The following DGKG variants were observed in gnomAD, a reference collection of about 807,000 sequenced individuals.
The protein encoded by DGKG is diacylglycerol kinase gamma.
DGKG carries 78 observed loss-of-function variants against 105.3 expected under a neutral mutation model. The observed-to-expected ratio is 0.74, with a 90% CI of 0.62 to 0.89. DGKG has a LOEUF of 0.89. DGKG is among the 40% of genes least tolerant of loss of function. The probability of loss-of-function intolerance (pLI) is 0.00; values close to 1 mark genes in which losing one functional copy is unlikely to be tolerated. For synonymous variants in DGKG, 346 were observed against 367.1 expected (o/e 0.94, Z 0.66); for missense variants, 958 against 1,020.1 (o/e 0.94, Z 0.83).
intron 19 of DGKG, among the ~76,000 whole-genome samples, chr3:186,249,922 A>T (rs962802865): frequency 6.6e-6 from 1 of 152,078 alleles, no homozygotes; most frequent in African/African-American, 2.4e-5. Flanking sequence ...TCTTTCCTTT[A>T]AAAAAAATTA....
At chr3:186,271,017 G>A (rs1722291099) in intron 11 of DGKG, among the ~76,000 whole-genome samples, 1 of 152,220 alleles carries the variant, frequency 6.6e-6, no homozygotes, top group East Asian at 1.9e-4. Flanking sequence ...AGAAGGCGTG[G>A]ACGAGAGACC....
At chr3:186,262,988 G>A (rs539779681) in intron 14 of DGKG, among the ~76,000 whole-genome samples, 2 of 152,120 alleles carry the variant, frequency 1.3e-5, no homozygotes, top group South Asian at 2.1e-4. Flanking sequence ...TTAGCCGGGC[G>A]TGGTGGGAGG....
chr3:186,153,216 A>G (rs1715855951), intron 24 of DGKG, among the ~76,000 whole-genome samples: 1 of 152,102 alleles, frequency 6.6e-6, no homozygotes, highest in Non-Finnish European at 1.5e-5. Flanking sequence ...GAAGTATGAA[A>G]TCATATCCTC....
chr3:186,204,849 T>C (rs1718644571), intron 21 of DGKG, among the ~76,000 whole-genome samples: 1 of 152,136 alleles, frequency 6.6e-6, no homozygotes. Context: ...GCTGAACCGC[T>C]CTCCAAAGTG....
Position 186,297,068 on chromosome 3 carries a change from T to TCTCACACACA in DGKG, c.373+352_373+353insTGTGTGTGAG, listed in dbSNP as rs1452573661. ...CTCTCTGTCTGTCTGTCTGTCTCTC[T>TCTCACACACA]CACACACACACACACACACACACAC... is the stretch of plus-strand genomic sequence containing the variant. On this transcript the variant is annotated intron_variant, in intron 5 of 24. Transcript: ENST00000265022. Among the ~76,000 whole-genome samples the TCTCACACACA allele has an allele frequency of 6.8e-3, 885 of 130,492 alleles. 15 individuals carry two copies. Among genetic ancestry groups the TCTCACACACA allele is most frequent in the African/African-American group, 0.022 (775 of 34,674 alleles). The allele number at this position is 130,492 out of a possible 152,430, so 85.6% of individuals were successfully genotyped here. A position where few individuals can be genotyped will look rare whatever the true frequency, so the allele number is the denominator to read the frequency against.
intron 21 of DGKG, among the ~76,000 whole-genome samples, chr3:186,196,493 A>T (rs116438598): frequency 0.012 from 1,825 of 152,326 alleles, 19 homozygotes; most frequent in Non-Finnish European, 0.021. Flanking sequence ...GAAGGGCTTG[A>T]AAGGTGAACC....
chr3:186,264,835 A>G (rs1340173548), intron 14 of DGKG, among the ~76,000 whole-genome samples: 12 of 152,342 alleles, frequency 7.9e-5, no homozygotes, highest in South Asian at 6.2e-4. Context: ...TTAAGTATAC[A>G]TTTAAGGATT....
At chr3:186,336,076 T>C (rs540641255) in intron 1 of DGKG, among the ~76,000 whole-genome samples, 26 of 152,310 alleles carry the variant, frequency 1.7e-4, no homozygotes, top group Admixed American at 1.2e-3. Context: ...TCCAAGGTCA[T>C]GTCCCCTTCT....
intron 23 of DGKG, among the ~76,000 whole-genome samples, chr3:186,164,296 T>C (rs564339257): frequency 4.1e-4 from 62 of 152,344 alleles, no homozygotes; most frequent in African/African-American, 1.1e-3. Context: ...ATGAGCTGCA[T>C]TGATTAATCA....
At chr3:186,170,045 T>C (rs2108485034) in intron 22 of DGKG, among the ~76,000 whole-genome samples, 1 of 152,128 alleles carries the variant, frequency 6.6e-6, no homozygotes, top group South Asian at 2.1e-4. Flanking sequence ...GTAGTCCCAG[T>C]GGTGGGCAGC....
intron 11 of DGKG, among the ~76,000 whole-genome samples, chr3:186,269,451 T>C (rs1354851831): frequency 6.6e-6 from 1 of 152,210 alleles, no homozygotes; most frequent in East Asian, 1.9e-4. Context: ...TGCAATGAGA[T>C]AGCACATTTT....
At chr3:186,212,405 G>A (rs1410034266) in intron 20 of DGKG, among the ~76,000 whole-genome samples, 1 of 152,234 alleles carries the variant, frequency 6.6e-6, no homozygotes. Context: ...CTGACTGGGG[G>A]AAGCAGAGTG....
chr3:186,149,834 C>A lies in DGKG; in HGVS notation c.*256G>T, dbSNP rs1560071587. Reference sequence around the variant, plus strand: ...TGTGGAGGTTGCTGCCTAAGCCAGCCACAACCTCATGGGCCCTAAGTCCAT... The same window carrying A: ...TGTGGAGGTTGCTGCCTAAGCCAGCAACAACCTCATGGGCCCTAAGTCCAT... On this transcript the variant is annotated 3_prime_UTR_variant, in exon 25 of 25. Transcript: ENST00000265022. The A allele has an allele frequency of 5.9e-6, 7 of 1,190,214 alleles. No homozygotes were observed. The highest frequency in any genetic ancestry group is 7.3e-6 in the Non-Finnish European group (7 of 958,844). The allele number at this position is 1,190,214 out of a possible 1,614,324, so 73.7% of individuals were successfully genotyped here.
chr3:186,296,678 CCTCT>C (rs897962459), intron 5 of DGKG, among the ~76,000 whole-genome samples: 46 of 152,306 alleles, frequency 3.0e-4, no homozygotes, highest in Admixed American at 2.5e-3. Flanking sequence ...ACCACTGTGT[CCTCT>C]CTCTCTATAG....
intron 3 of DGKG, among the ~76,000 whole-genome samples, chr3:186,304,248 G>A (rs1041790165): frequency 6.6e-6 from 1 of 152,250 alleles, no homozygotes; most frequent in African/African-American, 2.4e-5. Flanking sequence ...TTGGAGCTGG[G>A]GGTGGGGGGT....
At chr3:186,318,473 C>T (rs1578827933) in intron 2 of DGKG, among the ~76,000 whole-genome samples, 1 of 152,282 alleles carries the variant, frequency 6.6e-6, no homozygotes, top group Middle Eastern at 3.4e-3. Flanking sequence ...TTCAACCGTG[C>T]CCTAAACCTC....
At chr3:186,244,178 C>T (rs1578716787) in intron 19 of DGKG, among the ~76,000 whole-genome samples, 1 of 152,040 alleles carries the variant, frequency 6.6e-6, no homozygotes, top group African/African-American at 2.4e-5. Context: ...ATGTGAGCCA[C>T]TGCACCTGGC....
intron 1 of DGKG, among the ~76,000 whole-genome samples, chr3:186,325,195 C>T (rs1181696195): frequency 1.3e-5 from 2 of 151,844 alleles, no homozygotes; most frequent in African/African-American, 4.8e-5. Flanking sequence ...ACATTGGGAA[C>T]ATATGGACAT....
chr3:186,150,965 C>A (rs1239834250), intron 24 of DGKG, among the ~76,000 whole-genome samples: 1 of 152,178 alleles, frequency 6.6e-6, no homozygotes, highest in East Asian at 1.9e-4. Context: ...TATCCATCCA[C>A]AATATTTATT....
Sources: allele counts gnomAD v4.1 joint callset (sites outside exome capture counted in the v4.1 genomes callset), GRCh38; gene constraint gnomAD v4.1.1; transcripts MANE v1.5; gene names NCBI Gene and HGNC (gene_info 2026-07-23, HGNC 2026-07-21).